The following MCC variants were observed in gnomAD, a reference collection of about 807,000 sequenced individuals.
The protein encoded by MCC is MCC regulator of Wnt signaling pathway.
A neutral mutation model predicts 116.2 loss-of-function variants in MCC; 90 were observed. The ratio of observed to expected loss-of-function variants is 0.77; its 90% CI spans 0.65 to 0.92. The LOEUF (loss-of-function observed/expected upper bound fraction) is 0.92. Among genes scored for constraint, MCC ranks in the 40% least tolerant of loss-of-function variants. MCC has a pLI of 0.00. For missense variants in MCC, 1,516 were observed against 1,312.2 expected, an observed-to-expected ratio of 1.16 and a Z score of -2.40; for synonymous variants, 578 against 510.5, an observed-to-expected ratio of 1.13 and a Z score of -1.78.
chr5:113,092,139 C>CT (rs1755688805), intron 8 of MCC, among the ~76,000 whole-genome samples: 1 of 152,106 alleles, frequency 6.6e-6, no homozygotes, highest in Non-Finnish European at 1.5e-5. Flanking sequence ...GGCATCCACG[C>CT]CCTAAACCCC....
chr5:113,083,019 A>C lies in MCC; in HGVS notation c.1636-11T>G, dbSNP rs778478218. 8.1e-6 allele frequency: 13 copies of C among 1,608,298 alleles called. No homozygotes were observed. The South Asian group carries it at 1.0e-4, about 12-fold the overall frequency. Reference sequence around the variant, plus strand: ...CACACTGCTGGATACCTGCAAAAAGAAGCATTAATTCCCCTTTGGAACATA... The same window carrying C: ...CACACTGCTGGATACCTGCAAAAAGCAGCATTAATTCCCCTTTGGAACATA... On this transcript the variant is annotated splice_polypyrimidine_tract_variant and intron_variant, in intron 10 of 18. Transcript: ENST00000408903.
In MCC at chr5:113,366,524, A is replaced by T. The variant is rs184058378; in HGVS notation, c.415+18444T>A. On this transcript the variant is annotated intron_variant, in intron 2 of 18. Coordinates refer to ENST00000408903, the MANE Select transcript of MCC (RefSeq NM_001085377.2). Reference sequence around the variant, plus strand: ...AATACTTCTGTTCAACCTAAGCCAGAATATATAGCCCTCTAGGCTTCTAGA... The same window carrying T: ...AATACTTCTGTTCAACCTAAGCCAGTATATATAGCCCTCTAGGCTTCTAGA... Among the ~76,000 whole-genome samples the T allele has an allele frequency of 5.9e-5, 9 of 152,276 alleles. No homozygotes were observed. The East Asian group carries it at 1.4e-3, about 23-fold the overall frequency.
intron 2 of MCC, among the ~76,000 whole-genome samples, chr5:113,362,793 G>T (rs539142517): frequency 6.6e-6 from 1 of 152,130 alleles, no homozygotes; most frequent in East Asian, 1.9e-4. Flanking sequence ...CTGGTTACTG[G>T]CACAGAGCTT....
chr5:113,163,890 T>C (rs1760636052), intron 3 of MCC, among the ~76,000 whole-genome samples: 1 of 152,206 alleles, frequency 6.6e-6, no homozygotes, highest in African/African-American at 2.4e-5. Flanking sequence ...CAAAAATACA[T>C]GTACCAAAAT....
At chr5:113,374,940 C>T (rs1388370098) in intron 2 of MCC, among the ~76,000 whole-genome samples, 1 of 143,126 alleles carries the variant, frequency 7.0e-6, no homozygotes, top group East Asian at 2.0e-4. Context: ...TGCAGTGAGC[C>T]GTGACTGTGC....
intron 1 of MCC, among the ~76,000 whole-genome samples, chr5:113,450,456 G>C (rs907921644): frequency 1.3e-5 from 2 of 151,984 alleles, no homozygotes; most frequent in Non-Finnish European, 2.9e-5. Context: ...CTGATGTGAT[G>C]CCCCCCCAAG....
chr5:113,179,822 A>G (rs143089813), intron 3 of MCC, among the ~76,000 whole-genome samples: 1 of 152,210 alleles, frequency 6.6e-6, no homozygotes. Flanking sequence ...TTACAAGAGC[A>G]TGGGCCTTAG....
chr5:113,077,456 C>T (rs187931447), intron 11 of MCC, among the ~76,000 whole-genome samples: 1 of 152,314 alleles, frequency 6.6e-6, no homozygotes, highest in East Asian at 1.9e-4. Context: ...AACAAACTGT[C>T]TCTCAGAACA....
At chr5:113,358,823 A>G (rs1337552261) in intron 2 of MCC, among the ~76,000 whole-genome samples, 3 of 152,298 alleles carry the variant, frequency 2.0e-5, no homozygotes, top group African/African-American at 7.2e-5. Context: ...CCACAACAGA[A>G]TCACCATGAG....
At chr5:113,316,117 G>A (rs1349601742) in intron 3 of MCC, among the ~76,000 whole-genome samples, 1 of 151,918 alleles carries the variant, frequency 6.6e-6, no homozygotes, top group Non-Finnish European at 1.5e-5. Flanking sequence ...TTAGCTGGGC[G>A]TATTGGCACA....
intron 3 of MCC, among the ~76,000 whole-genome samples, chr5:113,197,188 G>C (rs1220013087): frequency 2.6e-5 from 4 of 152,130 alleles, no homozygotes; most frequent in Non-Finnish European, 5.9e-5. Context: ...GGGTCGATGG[G>C]GAGATGTTGG....
intron 3 of MCC, chr5:113,294,261 G>A: frequency 5.0e-6 from 8 of 1,608,352 alleles, no homozygotes; most frequent in Middle Eastern, 1.7e-4. Context: ...GGGAGGTCGA[G>A]GGGAGGGGGA....
intron 3 of MCC, among the ~76,000 whole-genome samples, chr5:113,332,996 A>G (rs1419058001): frequency 6.6e-6 from 1 of 151,712 alleles, no homozygotes; most frequent in African/African-American, 2.4e-5. Context: ...GCAGATCTCA[A>G]TAAGAGGGAG....
chr5:113,176,718 A>G (rs979819289), intron 3 of MCC, among the ~76,000 whole-genome samples: 21 of 152,178 alleles, frequency 1.4e-4, no homozygotes, highest in African/African-American at 4.1e-4. Context: ...GCCATGAGCC[A>G]AGTTCTACAG....
intron 3 of MCC, among the ~76,000 whole-genome samples, chr5:113,245,695 G>T (rs1028915673): frequency 6.6e-6 from 1 of 152,092 alleles, no homozygotes; most frequent in African/African-American, 2.4e-5. Flanking sequence ...CTCAGTTTCA[G>T]TAATAAATGT....
At chr5:113,441,577 T>C (rs1256701326) in intron 1 of MCC, among the ~76,000 whole-genome samples, 2 of 152,186 alleles carry the variant, frequency 1.3e-5, no homozygotes, top group Non-Finnish European at 2.9e-5. Context: ...TAAGTATACC[T>C]GTGCCATGGT....
intron 3 of MCC, among the ~76,000 whole-genome samples, chr5:113,333,835 G>GTATATATACA (rs1554076890): frequency 0.016 from 1,330 of 81,334 alleles, 156 homozygotes; most frequent in Non-Finnish European, 0.025. Flanking sequence ...ATGTATATAT[G>GTATATATACA]TATATATGTA....
At chr5:113,196,828 G>C (rs1762435880) in intron 3 of MCC, among the ~76,000 whole-genome samples, 1 of 152,160 alleles carries the variant, frequency 6.6e-6, no homozygotes, top group African/African-American at 2.4e-5. Context: ...GACAGAACAA[G>C]ACTCTATCTC....
chr5:113,077,332 C>A (rs1754528023), intron 11 of MCC, among the ~76,000 whole-genome samples: 1 of 152,186 alleles, frequency 6.6e-6, no homozygotes. Context: ...GAACTCTCCA[C>A]CCCAAATCAA....
Sources: gnomAD v4.1 joint callset for allele counts (sites outside exome capture counted in the v4.1 genomes callset) on GRCh38, gnomAD v4.1.1 for gene constraint, MANE v1.5 for transcripts, NCBI Gene and HGNC (gene_info 2026-07-23, HGNC 2026-07-21) for gene names.